Variants in IMMP2L observed in about 807,000 individuals in gnomAD.
The protein encoded by IMMP2L is mitochondrial inner membrane protease subunit 2.
IMMP2L carries 18 observed loss-of-function variants against 19.3 expected under a neutral mutation model. The observed-to-expected ratio is 0.93, with a 90% confidence interval of 0.64 to 1.38. The LOEUF is 1.38. IMMP2L is among the 40% of genes most tolerant of loss of function. The probability of loss-of-function intolerance (pLI) is 0.00; values close to 1 mark genes in which losing one functional copy is unlikely to be tolerated. For missense variants in IMMP2L, 233 were observed against 218.2 expected (o/e 1.07, Z -0.43); for synonymous variants, 76 against 73.0 (o/e 1.04, Z -0.21).
At chr7:110,829,811 T>C (rs1803804944) in intron 5 of IMMP2L, among the ~76,000 whole-genome samples, 1 of 152,160 alleles carries the variant, frequency 6.6e-6, no homozygotes, top group Non-Finnish European at 1.5e-5. Context: ...TGAAGGCTCC[T>C]GGAGGTTGTA....
intron 3 of IMMP2L, among the ~76,000 whole-genome samples, chr7:111,437,887 G>T (rs1837343072): frequency 6.6e-6 from 1 of 151,852 alleles, no homozygotes; most frequent in South Asian, 2.1e-4. Context: ...GGTAGGTCTG[G>T]CTGTGAACAA....
intron 4 of IMMP2L, among the ~76,000 whole-genome samples, chr7:110,903,473 A>G (rs1247883211): frequency 7.9e-5 from 12 of 152,104 alleles, no homozygotes; most frequent in Non-Finnish European, 4.4e-5. Flanking sequence ...TGATTTGACT[A>G]TTTTAGATAC....
At chr7:111,156,396 A>C (rs751162273) in intron 3 of IMMP2L, among the ~76,000 whole-genome samples, 11 of 152,218 alleles carry the variant, frequency 7.2e-5, no homozygotes, top group Middle Eastern at 3.4e-3. Flanking sequence ...CTAAATATTA[A>C]ATTTTAATAT....
intron 3 of IMMP2L, among the ~76,000 whole-genome samples, chr7:111,101,974 T>C (rs1388632240): frequency 6.6e-6 from 1 of 151,408 alleles, no homozygotes; most frequent in Admixed American, 6.6e-5. Context: ...TCATGAACTC[T>C]AATTTTCATA....
chr7:111,401,743 C>T (rs954251990), intron 3 of IMMP2L, among the ~76,000 whole-genome samples: 1 of 152,014 alleles, frequency 6.6e-6, no homozygotes, highest in Non-Finnish European at 1.5e-5. Context: ...CCACGGACTG[C>T]ATAGCTACGT....
intron 5 of IMMP2L, among the ~76,000 whole-genome samples, chr7:110,843,622 G>A (rs1434538553): frequency 2.0e-5 from 3 of 151,904 alleles, no homozygotes; most frequent in Non-Finnish European, 2.9e-5. Flanking sequence ...AATAAAACTC[G>A]GTGAACAGGA....
In IMMP2L at chr7:110,818,876, C is replaced by T. The variant is rs1340208076; in HGVS notation, c.408+67717G>A. The stretch of plus-strand genomic sequence containing the variant: ...ATCGCAAGGACAAAAAACCAAACAC[C>T]GCATATTCTCACTCATAGGTGGGAA... On this transcript the variant is annotated intron_variant, in intron 5 of 5. Transcript: ENST00000405709. 2.7e-5 allele frequency among the ~76,000 whole-genome samples: 4 copies of T among 146,742 alleles called. No homozygotes were observed. The East Asian group carries it at 6.2e-4, about 23-fold the overall frequency.
At chr7:110,794,826 C>T (rs528190184) in intron 5 of IMMP2L, among the ~76,000 whole-genome samples, 27 of 151,882 alleles carry the variant, frequency 1.8e-4, no homozygotes, top group South Asian at 4.2e-4. Context: ...AAATAAATAA[C>T]GAATACATAT....
intron 3 of IMMP2L, among the ~76,000 whole-genome samples, chr7:111,283,909 T>C (rs1383800389): frequency 7.2e-6 from 1 of 138,926 alleles, no homozygotes; most frequent in African/African-American, 2.8e-5. Flanking sequence ...AGGCGGAGCT[T>C]GCAGTGAGCC....
intron 5 of IMMP2L, among the ~76,000 whole-genome samples, chr7:110,818,938 C>T (rs1379156611): frequency 1.6e-5 from 2 of 121,850 alleles, no homozygotes; most frequent in Non-Finnish European, 3.1e-5. Flanking sequence ...GGAAGGGGAA[C>T]ATCACACTCT....
intron 3 of IMMP2L, among the ~76,000 whole-genome samples, chr7:111,023,947 T>G (rs1336897629): frequency 4.6e-5 from 7 of 152,132 alleles, no homozygotes; most frequent in Admixed American, 4.6e-4. Context: ...AATAGTCCAG[T>G]ATATATTCAA....
intron 3 of IMMP2L, among the ~76,000 whole-genome samples, chr7:111,347,403 G>A (rs1399999307): frequency 6.6e-6 from 1 of 152,054 alleles, no homozygotes; most frequent in African/African-American, 2.4e-5. Flanking sequence ...AAACGATTAA[G>A]AAGTGGACGA....
At chr7:111,547,516 C>T (rs972770649) in intron 1 of IMMP2L, among the ~76,000 whole-genome samples, 11 of 96,208 alleles carry the variant, frequency 1.1e-4, no homozygotes, top group African/African-American at 2.9e-4. Context: ...CCCCCCCCCC[C>T]TTTTTATCCT....
At chr7:110,835,649 T>C (rs1426762448) in intron 5 of IMMP2L, among the ~76,000 whole-genome samples, 1 of 64,392 alleles carries the variant, frequency 1.6e-5, no homozygotes, top group Non-Finnish European at 3.7e-5. Flanking sequence ...TCAGTAGCAT[T>C]TTTTTTTTTC....
intron 3 of IMMP2L, among the ~76,000 whole-genome samples, chr7:111,175,123 C>T (rs1378039207): frequency 4.0e-5 from 6 of 151,694 alleles, no homozygotes; most frequent in East Asian, 3.9e-4. Flanking sequence ...TTATGTATTC[C>T]GGCTTTATGC....
At chr7:111,358,084 C>T (rs1266764307) in intron 3 of IMMP2L, among the ~76,000 whole-genome samples, 2 of 151,280 alleles carry the variant, frequency 1.3e-5, no homozygotes, top group Non-Finnish European at 2.9e-5. Context: ...ATTCAGAGTA[C>T]ATAATCATTT....
intron 3 of IMMP2L, among the ~76,000 whole-genome samples, chr7:111,326,207 T>C (rs1462751192): frequency 1.3e-5 from 2 of 151,762 alleles, no homozygotes; most frequent in African/African-American, 4.8e-5. Context: ...AATTAGTTCA[T>C]CATAATACCT....
chr7:110,978,405 T>C (rs1820918473), intron 3 of IMMP2L, among the ~76,000 whole-genome samples: 1 of 152,054 alleles, frequency 6.6e-6, no homozygotes, highest in South Asian at 2.1e-4. Context: ...ACAAATTGGA[T>C]TGTTGGAACT....
intron 3 of IMMP2L, among the ~76,000 whole-genome samples, chr7:111,126,114 C>T (rs920576338): frequency 4.6e-5 from 7 of 152,100 alleles, no homozygotes; most frequent in Admixed American, 6.6e-5. Flanking sequence ...TGAGCCACCA[C>T]GCCAGGTCTA....
Sources: allele counts gnomAD v4.1 joint callset (sites outside exome capture counted in the v4.1 genomes callset), GRCh38; gene constraint gnomAD v4.1.1; transcripts MANE v1.5; gene names NCBI Gene and HGNC (gene_info 2026-07-23, HGNC 2026-07-21).